Variants in NEBL observed in about 807,000 individuals in gnomAD.
NEBL encodes the protein LIM and SH3 protein 2.
Under a neutral mutation model 140.2 loss-of-function variants are expected in NEBL, and 122 were observed. The ratio of observed to expected loss-of-function variants is 0.87; its 90% CI spans 0.75 to 1.01. The LOEUF is 1.01. NEBL is among the 50% of genes least tolerant of loss of function. NEBL has a pLI of 0.00. For missense variants in NEBL, 1,365 were observed against 1,231.3 expected, an observed-to-expected ratio of 1.11 and a Z score of -1.62; for synonymous variants, 436 against 398.9, an observed-to-expected ratio of 1.09 and a Z score of -1.11.
intron 2 of NEBL, among the ~76,000 whole-genome samples, chr10:21,064,877 G>A (rs1835465176): frequency 1.3e-5 from 2 of 151,426 alleles, no homozygotes; most frequent in Non-Finnish European, 2.9e-5. Context: ...AGCAATCTGA[G>A]AAAGGAAATT....
chr10:21,071,022 A>G (rs1225114535), intron 2 of NEBL, among the ~76,000 whole-genome samples: 1 of 151,700 alleles, frequency 6.6e-6, no homozygotes, highest in Admixed American at 6.6e-5. Flanking sequence ...ACAAAAAAAA[A>G]AGGAGCCAGG....
intron 2 of NEBL, among the ~76,000 whole-genome samples, chr10:21,049,223 G>T (rs891078303): frequency 2.0e-5 from 3 of 152,084 alleles, no homozygotes; most frequent in Non-Finnish European, 4.4e-5. Flanking sequence ...TTGACCAAAG[G>T]CTGGGTACCA....
At chr10:20,914,969 A>ATTTATTTTTT (rs770999193) in intron 4 of NEBL, among the ~76,000 whole-genome samples, 1 of 111,244 alleles carries the variant, frequency 9.0e-6, no homozygotes. Context: ...AGTGGCTGGG[A>ATTTATTTTTT]TTTTTTTTTT....
At chr10:21,029,902 C>T (rs1238554505) in intron 2 of NEBL, 2 of 625,036 alleles carry the variant, frequency 3.2e-6, no homozygotes, top group Non-Finnish European at 5.9e-6. Context: ...CTATGAAGAC[C>T]GATACAACAG....
rs1010895960 is a variant in NEBL at position 20,929,705 on chromosome 10, C to T, written c.357+31967G>A. 7.1e-5 allele frequency among the ~76,000 whole-genome samples: 9 copies of T among 127,128 alleles called. No homozygotes were observed. In the Admixed American group the frequency reaches 8.7e-4, roughly 12 times the overall value. 83.4% of individuals were successfully genotyped at this position (127,128 alleles called of 152,430 possible). On this transcript the variant is annotated intron_variant, in intron 4 of 6. Transcript: ENST00000417816. ...AAGTGGGAGCTAAATAATGTGTACA[C>T]GTGGACATACAGAGTGGAATAATAG...
At chr10:20,889,241 T>C (rs970440588) in intron 3 of NEBL, among the ~76,000 whole-genome samples, 4 of 152,214 alleles carry the variant, frequency 2.6e-5, no homozygotes, top group South Asian at 4.1e-4. Flanking sequence ...ATCGTTAACA[T>C]TGTGCTTTAC....
At chr10:21,103,420 A>G (rs1053748954) in intron 2 of NEBL, among the ~76,000 whole-genome samples, 23 of 152,012 alleles carry the variant, frequency 1.5e-4, no homozygotes, top group Non-Finnish European at 2.9e-4. Context: ...TCACCATGTT[A>G]GCCAGTATGG....
chr10:21,185,331 T>A (rs1841447658), intron 3 of NEBL, among the ~76,000 whole-genome samples: 1 of 152,072 alleles, frequency 6.6e-6, no homozygotes, highest in African/African-American at 2.4e-5. Flanking sequence ...CAAAGGTGGA[T>A]GGGAAATAAT....
intron 2 of NEBL, among the ~76,000 whole-genome samples, chr10:21,059,786 C>T (rs1026554149): frequency 1.3e-5 from 2 of 152,106 alleles, no homozygotes; most frequent in Non-Finnish European, 2.9e-5. Flanking sequence ...ATTTTGTTAA[C>T]TGTGAGTTTT....
chr10:21,264,105 T>C (rs1023064173), intron 1 of NEBL, among the ~76,000 whole-genome samples: 1 of 152,192 alleles, frequency 6.6e-6, no homozygotes. Context: ...CTTTTCCAGA[T>C]CTAACAGTTG....
chr10:21,164,137 T>C (rs543328883), intron 2 of NEBL, among the ~76,000 whole-genome samples: 1 of 152,196 alleles, frequency 6.6e-6, no homozygotes, highest in Non-Finnish European at 1.5e-5. Context: ...TTTTACTTAG[T>C]TCCTAAAACA....
chr10:21,023,446 C>A (rs935521401), intron 2 of NEBL, among the ~76,000 whole-genome samples: 3 of 152,138 alleles, frequency 2.0e-5, no homozygotes, highest in African/African-American at 7.2e-5. Context: ...GTAATGCCAG[C>A]ACTTTGGGAG....
intron 2 of NEBL, among the ~76,000 whole-genome samples, chr10:21,155,351 T>C (rs1200938219): frequency 6.6e-6 from 1 of 152,224 alleles, no homozygotes; most frequent in East Asian, 1.9e-4. Context: ...ATCACCTTGT[T>C]GTGCTATCAA....
intron 4 of NEBL, among the ~76,000 whole-genome samples, chr10:20,939,628 G>T (rs1397841543): frequency 6.6e-6 from 1 of 151,774 alleles, no homozygotes; most frequent in Non-Finnish European, 1.5e-5. Context: ...CAATTAAAAG[G>T]CACAGACTGG....
chr10:21,083,518 C>G (rs1308430404), intron 2 of NEBL, among the ~76,000 whole-genome samples: 1 of 152,116 alleles, frequency 6.6e-6, no homozygotes, highest in Non-Finnish European at 1.5e-5. Context: ...ACTGCAGTCA[C>G]TTAGCTAAGA....
At position 21,250,020 on chromosome 10, in the gene NEBL, C is replaced by T. The variant is rs149812532; in HGVS notation, n.279+1712G>A. 3.9e-3 allele frequency among the ~76,000 whole-genome samples: 588 copies of T among 152,132 alleles called. 7 individuals carry two copies. Among genetic ancestry groups the T allele is most frequent in the African/African-American group, 0.013 (560 of 41,486 alleles). On this transcript the variant is annotated intron_variant and non_coding_transcript_variant, in intron 2 of 8. Coordinates refer to the NEBL transcript ENST00000675702. The stretch of plus-strand genomic sequence containing the variant: ...CAGAGGTTGCAATGAGCCAAGATCA[C>T]GCCAGTGCACTCCAGCCTGGTGACA...
chr10:20,874,338 C>T (rs748853990), intron 5 of NEBL, among the ~76,000 whole-genome samples: 1 of 152,138 alleles, frequency 6.6e-6, no homozygotes, highest in Non-Finnish European at 1.5e-5. Context: ...GCCAGATACC[C>T]CATCCATTTG....
chr10:20,833,838 C>G (rs1840645762), intron 14 of NEBL, among the ~76,000 whole-genome samples: 1 of 151,840 alleles, frequency 6.6e-6, no homozygotes, highest in Non-Finnish European at 1.5e-5. Context: ...TGGCAATGAT[C>G]TAGAGGATAG....
At chr10:21,047,450 C>A (rs573353056) in intron 2 of NEBL, among the ~76,000 whole-genome samples, 2 of 152,032 alleles carry the variant, frequency 1.3e-5, no homozygotes, top group Non-Finnish European at 2.9e-5. Context: ...ATAGAAGAAT[C>A]TATTAATAAT....
Sources: gnomAD v4.1 joint callset for allele counts (sites outside exome capture counted in the v4.1 genomes callset) on GRCh38, gnomAD v4.1.1 for gene constraint, MANE v1.5 for transcripts, NCBI Gene and HGNC (gene_info 2026-07-23, HGNC 2026-07-21) for gene names.